The following KIAA0753 variants were observed in gnomAD, a reference collection of about 807,000 sequenced individuals.
KIAA0753 encodes the protein protein moonraker.
A neutral mutation model predicts 116.9 loss-of-function variants in KIAA0753; 114 were observed. The observed-to-expected ratio is 0.98, with a 90% confidence interval of 0.84 to 1.14. The LOEUF (loss-of-function observed/expected upper bound fraction) is 1.14, where lower values mean the gene tolerates loss of function less well. KIAA0753 is among the 50% of genes most tolerant of loss of function. The probability of loss-of-function intolerance (pLI) is 0.00; values close to 1 mark genes in which losing one functional copy is unlikely to be tolerated. For synonymous variants in KIAA0753, 405 were observed against 413.1 expected (o/e 0.98, Z 0.24); for missense variants, 1,156 against 1,172.4 (o/e 0.99, Z 0.20).
chr17:6,599,219 A>C lies in KIAA0753; in HGVS notation c.2172+18T>G. ...ATCAAGCAATAATACCAGAATGCCA[A>C]TATCACACAACGCATACCTCCTGTG... On this transcript the variant is annotated intron_variant, in intron 14 of 18. Transcript: ENST00000361413. 1 of 1,582,566 alleles carries C rather than the reference A, an allele frequency of 6.3e-7. No homozygotes were observed. Among genetic ancestry groups the C allele is most frequent in the Non-Finnish European group, 8.7e-7 (1 of 1,151,452 alleles).
chr17:6,614,956 G>A (rs1040412060), intron 7 of KIAA0753, among the ~76,000 whole-genome samples: 1 of 152,188 alleles, frequency 6.6e-6, no homozygotes, highest in South Asian at 2.1e-4. Context: ...GTGCCACCAC[G>A]CCCAGCTAAT....
At chr17:6,608,967 T>A (rs1970364661) in intron 9 of KIAA0753, among the ~76,000 whole-genome samples, 1 of 152,186 alleles carries the variant, frequency 6.6e-6, no homozygotes, top group South Asian at 2.1e-4. Flanking sequence ...TATTAATACT[T>A]GTATACAAAA....
At chr17:6,594,201 G>C (rs1235634055) in intron 16 of KIAA0753, among the ~76,000 whole-genome samples, 1 of 151,990 alleles carries the variant, frequency 6.6e-6, no homozygotes, top group East Asian at 1.9e-4. Context: ...ACAAGGAATA[G>C]ATCCTTCCCT....
At chr17:6,626,111 T>TG (rs1231199841) in intron 3 of KIAA0753, among the ~76,000 whole-genome samples, 1 of 152,262 alleles carries the variant, frequency 6.6e-6, no homozygotes, top group Non-Finnish European at 1.5e-5. Context: ...AGCATACCCT[T>TG]GTACACACTG....
chr17:6,631,129 A>C (rs973745989), intron 2 of KIAA0753, among the ~76,000 whole-genome samples: 23 of 152,114 alleles, frequency 1.5e-4, no homozygotes, highest in African/African-American at 5.5e-4. Context: ...GAAAGGAAGG[A>C]AAAAAAAATC....
chr17:6,617,031 C>G (rs961263642), intron 7 of KIAA0753, among the ~76,000 whole-genome samples: 2 of 152,166 alleles, frequency 1.3e-5, no homozygotes, highest in African/African-American at 4.8e-5. Flanking sequence ...CACTAGTCAG[C>G]TGATGGGCAC....
chr17:6,591,046 A>AGGAAGAAGGAG lies in KIAA0753; in HGVS notation c.2441-417_2441-416insCTCCTTCTTCC, dbSNP rs368460503. Reference sequence around the variant, plus strand: ...AAGAAGGAAGAAGGAAGAAGGAAGAAGAAGAAGAAGAAGAAGAAGAAGAAG... The same window carrying AGGAAGAAGGAG: ...AAGAAGGAAGAAGGAAGAAGGAAGAAGGAAGAAGGAGGAAGAAGAAGAAGAAGAAGAAGAAG... On this transcript the variant is annotated intron_variant, in intron 16 of 18. Coordinates refer to ENST00000361413, the MANE Select transcript of KIAA0753 (RefSeq NM_014804.3). Among the ~76,000 whole-genome samples, 32 of 48,248 alleles carry AGGAAGAAGGAG rather than the reference A, an allele frequency of 6.6e-4. 1 individual carries two copies. Among genetic ancestry groups the AGGAAGAAGGAG allele is most frequent in the African/African-American group, 2.4e-3 (32 of 13,084 alleles). 31.7% of individuals were successfully genotyped at this position (48,248 alleles called of 152,430 possible).
intron 1 of KIAA0753, 81 bp from the exon 2 acceptor site, chr17:6,635,252 T>C (rs1211696564): frequency 3.4e-6 from 2 of 580,884 alleles, no homozygotes; most frequent in Admixed American, 5.3e-5. Context: ...CATGTGCATG[T>C]AGCAATATAC....
intron 7 of KIAA0753, among the ~76,000 whole-genome samples, chr17:6,615,379 A>G (rs556667540): frequency 1.3e-5 from 2 of 152,218 alleles, no homozygotes; most frequent in Non-Finnish European, 2.9e-5. Context: ...ATGGCCTCAA[A>G]GAGCAACTAC....
At chr17:6,621,375 G>A (rs990965722) in intron 6 of KIAA0753, among the ~76,000 whole-genome samples, 1 of 152,090 alleles carries the variant, frequency 6.6e-6, no homozygotes, top group Non-Finnish European at 1.5e-5. Context: ...TTTTAAGTGG[G>A]CACACATACT....
chr17:6,616,639 A>G (rs1024925397), intron 7 of KIAA0753, among the ~76,000 whole-genome samples: 5 of 152,306 alleles, frequency 3.3e-5, no homozygotes, highest in Admixed American at 2.6e-4. Context: ...CGACCAACCA[A>G]CATGGTAAAA....
intron 16 of KIAA0753, among the ~76,000 whole-genome samples, chr17:6,591,047 GAAGAA>G (rs749182562): frequency 1.1e-3 from 105 of 99,354 alleles, no homozygotes; most frequent in Non-Finnish European, 1.4e-3. Flanking sequence ...GAAGGAAGAA[GAAGAA>G]GAAGAAGAAG....
At chr17:6,616,835 A>C (rs1259653548) in intron 7 of KIAA0753, among the ~76,000 whole-genome samples, 1 of 152,176 alleles carries the variant, frequency 6.6e-6, no homozygotes, top group African/African-American at 2.4e-5. Flanking sequence ...CAAAATAAAT[A>C]AATAAATAAG....
chr17:6,592,451 G>A (rs548795170), intron 16 of KIAA0753, among the ~76,000 whole-genome samples: 279 of 152,252 alleles, frequency 1.8e-3, no homozygotes, highest in Non-Finnish European at 2.7e-3. Flanking sequence ...GGCAGTAACC[G>A]ATAAGCACAA....
In KIAA0753 at chr17:6,627,109, A is replaced by C. The variant is rs548930581; in HGVS notation, c.718+1008T>G. On this transcript the variant is annotated intron_variant, in intron 3 of 18. Coordinates refer to ENST00000361413, the MANE Select transcript of KIAA0753 (RefSeq NM_014804.3). ...TTTCTTTCTGGCCTTAATATGTGGA[A>C]TAATTGTTTTCCTTACACAATTGTT... Among the ~76,000 whole-genome samples the C allele has an allele frequency of 5.2e-4, 79 of 152,386 alleles. 1 individual carries two copies. Among genetic ancestry groups the C allele is most frequent in the Admixed American group, 9.1e-4 (14 of 15,310 alleles).
intron 14 of KIAA0753, 31 bp downstream of exon 14, chr17:6,599,206 T>G: frequency 6.7e-7 from 1 of 1,493,414 alleles, no homozygotes; most frequent in Non-Finnish European, 9.3e-7. Context: ...CAAGCAATAA[T>G]ACCAGAATGC....
intron 6 of KIAA0753, among the ~76,000 whole-genome samples, chr17:6,622,428 T>C (rs1971388418): frequency 6.6e-6 from 1 of 152,248 alleles, no homozygotes; most frequent in South Asian, 2.1e-4. Context: ...CCAGCTGTGA[T>C]TTCTAGACGT....
chr17:6,589,591 C>T (rs971593200), intron 18 of KIAA0753, among the ~76,000 whole-genome samples, 188 bp downstream of exon 18: 1 of 152,218 alleles, frequency 6.6e-6, no homozygotes, highest in Non-Finnish European at 1.5e-5. Flanking sequence ...ATGGCACCGC[C>T]TGTGCTGTTT....
intron 2 of KIAA0753, among the ~76,000 whole-genome samples, chr17:6,630,255 A>G (rs1971944585): frequency 6.6e-6 from 1 of 152,110 alleles, no homozygotes; most frequent in Admixed American, 6.6e-5. Flanking sequence ...CAATCTCATA[A>G]CACAAATTAA....
Sources: allele counts gnomAD v4.1 joint callset (sites outside exome capture counted in the v4.1 genomes callset), GRCh38; gene constraint gnomAD v4.1.1; transcripts MANE v1.5; gene names NCBI Gene and HGNC (gene_info 2026-07-23, HGNC 2026-07-21).